The following ASAH2 variants were observed in gnomAD, a reference collection of about 807,000 sequenced individuals.
The protein encoded by ASAH2 is neutral ceramidase.
ASAH2 carries 58 observed loss-of-function variants against 82.9 expected under a neutral mutation model. That is an observed-to-expected ratio of 0.70 (90% CI 0.57 to 0.87). ASAH2 has a LOEUF of 0.87. Ranked by LOEUF, ASAH2 falls within the 40% of genes least tolerant of loss-of-function variation. The pLI is 0.00. For synonymous variants in ASAH2, 276 were observed against 289.7 expected (o/e 0.95, Z 0.48); for missense variants, 779 against 834.0 (o/e 0.93, Z 0.81).
intron 5 of ASAH2, 25 bp from the exon 6 acceptor site, chr10:50,234,577 G>C: frequency 6.2e-7 from 1 of 1,612,422 alleles, no homozygotes; most frequent in Non-Finnish European, 8.5e-7. Flanking sequence ...AGAGGGGGAT[G>C]TTATAAGCTT....
rs985647203 is a variant in ASAH2 at position 50,239,045 on chromosome 10, C to T, written c.511-2981G>A. 3.7e-4 allele frequency among the ~76,000 whole-genome samples: 56 copies of T among 151,978 alleles called. 1 individual carries two copies. Among genetic ancestry groups the T allele is most frequent in the Non-Finnish European group, 5.6e-4 (38 of 67,984 alleles). On this transcript the variant is annotated intron_variant, in intron 4 of 20. Transcript: ENST00000682911. Reference sequence around the variant, plus strand: ...ACAAAGCAGCTACATTTATGTCTACCGCTCACTTCTGTCTTCAGTTTCTAT... The same window carrying T: ...ACAAAGCAGCTACATTTATGTCTACTGCTCACTTCTGTCTTCAGTTTCTAT...
chr10:50,248,661 A>G lies in ASAH2; in HGVS notation c.-36-15T>C, dbSNP rs543686006. ...AAGAAGAAATACTGAAGAGGAAGAA[A>G]TCACAAATTAAAATGCAAATGCTTT... is the stretch of plus-strand genomic sequence containing the variant. On this transcript the variant is annotated splice_polypyrimidine_tract_variant and intron_variant, in intron 1 of 20. Transcript: ENST00000682911. The G allele has an allele frequency of 2.6e-5, 41 of 1,572,232 alleles. No individual in the cohort carries two copies. The Admixed American group carries it at 6.7e-4, about 26-fold the overall frequency.
chr10:50,246,951 AG>A (rs1846473729), intron 2 of ASAH2, among the ~76,000 whole-genome samples: 1 of 152,224 alleles, frequency 6.6e-6, no homozygotes, highest in Non-Finnish European at 1.5e-5. Flanking sequence ...TAATGTAAAC[AG>A]TAGGACTAGC....
intron 15 of ASAH2, 72 bp downstream of exon 15, chr10:50,203,568 C>T: frequency 3.7e-6 from 2 of 538,704 alleles, no homozygotes; most frequent in Non-Finnish European, 6.2e-6. Context: ...GATATAGGAT[C>T]ATAGGGATAG....
At chr10:50,235,071 A>T (rs1589351516) in intron 5 of ASAH2, among the ~76,000 whole-genome samples, 1 of 152,144 alleles carries the variant, frequency 6.6e-6, no homozygotes, top group African/African-American at 2.4e-5. Context: ...CACAAAGCAA[A>T]CTATACCCTG....
At chr10:50,194,049 G>T (rs1351210695) in intron 18 of ASAH2, among the ~76,000 whole-genome samples, 15 of 151,360 alleles carry the variant, frequency 9.9e-5, no homozygotes, top group Admixed American at 7.9e-4. Flanking sequence ...ATAAAGAAAA[G>T]CCAGGTCCAT....
chr10:50,201,840 C>T (rs1428054558), intron 16 of ASAH2, among the ~76,000 whole-genome samples: 2 of 152,064 alleles, frequency 1.3e-5, no homozygotes, highest in African/African-American at 4.8e-5. Context: ...CAAGATATAT[C>T]TGTGGATCTA....
chr10:50,221,506 T>C (rs1234363513), intron 7 of ASAH2, among the ~76,000 whole-genome samples: 1 of 152,140 alleles, frequency 6.6e-6, no homozygotes, highest in Non-Finnish European at 1.5e-5. Context: ...CAGGGAACCC[T>C]TTGAGTCAAG....
At chr10:50,193,811 T>A (rs1332875225) in intron 18 of ASAH2, among the ~76,000 whole-genome samples, 6 of 152,072 alleles carry the variant, frequency 3.9e-5, no homozygotes, top group African/African-American at 1.4e-4. Context: ...CATTGTCAAC[T>A]CTTCAGAAAT....
chr10:50,213,113 G>A (rs1300607231), intron 9 of ASAH2, 55 bp from the exon 10 acceptor site: 3 of 1,430,514 alleles, frequency 2.1e-6, no homozygotes, highest in African/African-American at 1.4e-5. Context: ...TTATTTTAAG[G>A]AATAAAGAAT....
chr10:50,225,244 C>T (rs1845848895), intron 7 of ASAH2, among the ~76,000 whole-genome samples: 1 of 151,976 alleles, frequency 6.6e-6, no homozygotes, highest in Non-Finnish European at 1.5e-5. Flanking sequence ...GGCAAAACCC[C>T]ATCTCTACTA....
intron 2 of ASAH2, among the ~76,000 whole-genome samples, chr10:50,247,787 T>C (rs940107105): frequency 3.9e-5 from 6 of 152,084 alleles, no homozygotes; most frequent in Non-Finnish European, 7.4e-5. Flanking sequence ...CCACTGCCAA[T>C]CTTTGTGTAA....
intron 13 of ASAH2, among the ~76,000 whole-genome samples, chr10:50,205,716 TA>T (rs1845274959): frequency 6.6e-6 from 1 of 152,028 alleles, no homozygotes; most frequent in South Asian, 2.1e-4. Flanking sequence ...CTGAGTAAGA[TA>T]AATGTTCATC....
At chr10:50,215,989 G>A (rs1321957101) in intron 8 of ASAH2, among the ~76,000 whole-genome samples, 1 of 152,084 alleles carries the variant, frequency 6.6e-6, no homozygotes, top group African/African-American at 2.4e-5. Context: ...CCATAAAAAA[G>A]GATGAGTTCA....
intron 10 of ASAH2, among the ~76,000 whole-genome samples, chr10:50,212,055 A>C (rs1258260709): frequency 6.6e-6 from 1 of 152,214 alleles, no homozygotes; most frequent in Non-Finnish European, 1.5e-5. Context: ...CACAGTAATT[A>C]AAAAGAAACT....
chr10:50,194,874 A>G (rs1358218425), intron 18 of ASAH2, among the ~76,000 whole-genome samples: 1 of 151,636 alleles, frequency 6.6e-6, no homozygotes, highest in African/African-American at 2.4e-5. Context: ...AGAAGAAGGA[A>G]ATATAAAAAT....
chr10:50,239,146 C>T (rs1307027382), intron 4 of ASAH2, among the ~76,000 whole-genome samples: 1 of 152,238 alleles, frequency 6.6e-6, no homozygotes, highest in East Asian at 1.9e-4. Context: ...TTCTGTCATG[C>T]CTCACTGCAC....
At chr10:50,240,680 A>T (rs1589356727) in intron 4 of ASAH2, 1 of 679,900 alleles carries the variant, frequency 1.5e-6, no homozygotes. Context: ...CTCATGAAAG[A>T]GTCTACATCC....
In ASAH2 at chr10:50,199,139, C is replaced by A; in HGVS notation, c.1769G>T (p.Arg590Leu). The change falls in exon 17 of 21, where the codon CGA becomes CTA. Residue 590 changes from arginine (R) to leucine (L), a missense_variant. This residue lies in a region of ASAH2 where 759 missense variants were observed against 755.2 expected (regional missense o/e 1.00). Transcript: ENST00000682911. ...ATAAATTGTCGATGCTGCCTCATAT[C>A]GCTGAGCCTGCAGGAAAGGCAGGGA... Reference protein sequence around the residue: ...ITTYEEYQAQRYEAASTIYGP... With the variant: ...ITTYEEYQAQLYEAASTIYGP... The A allele has an allele frequency of 2.5e-6, 4 of 1,613,130 alleles. No homozygotes were observed. The South Asian group carries it at 4.4e-5, about 18-fold the overall frequency.
Sources: allele counts gnomAD v4.1 joint callset (sites outside exome capture counted in the v4.1 genomes callset), GRCh38; gene constraint gnomAD v4.1.1; regional missense constraint gnomAD v4.1.1; transcripts MANE v1.5; gene names NCBI Gene and HGNC (gene_info 2026-07-23, HGNC 2026-07-21).